ARHGAP39: variants seen among roughly 807,000 people sequenced by gnomAD.
ARHGAP39 encodes Rho GTPase activating protein 39.
ARHGAP39 carries 44 observed loss-of-function variants against 106.9 expected under a neutral mutation model. The observed-to-expected ratio is 0.41, with a 90% CI of 0.32 to 0.53. The LOEUF (loss-of-function observed/expected upper bound fraction) is 0.53, where lower values mean the gene tolerates loss of function less well. Ranked by LOEUF, ARHGAP39 falls within the 20% of genes least tolerant of loss-of-function variation. The probability of loss-of-function intolerance (pLI) is 0.21; values close to 1 mark genes in which losing one functional copy is unlikely to be tolerated. For synonymous variants in ARHGAP39, 768 were observed against 693.2 expected, an observed-to-expected ratio of 1.11 and a Z score of -1.69; for missense variants, 1,496 against 1,577.3, an observed-to-expected ratio of 0.95 and a Z score of 0.87.
chr8:144,548,129 C>T lies in ARHGAP39; in HGVS notation c.957G>A (p.Glu319=), dbSNP rs1817543673. The T allele has an allele frequency of 6.3e-7, 1 of 1,579,990 alleles. No individual in the cohort carries two copies. Among genetic ancestry groups the T allele is most frequent in the Non-Finnish European group, 8.6e-7 (1 of 1,162,958 alleles). The part of the protein sequence containing the change: ...EPPLYEEPPV[E]YQAPIYDEPP... Reference sequence around the variant, plus strand: ...GCTCATCGTAGATGGGGGCCTGGTACTCCACTGGGGGCTCCTCGTAGAGCG... The same window carrying T: ...GCTCATCGTAGATGGGGGCCTGGTATTCCACTGGGGGCTCCTCGTAGAGCG... Residue 319 remains glutamate (E), a synonymous_variant, in exon 5 of 12, where the codon GAG becomes GAA. Transcript: ENST00000377307. The surrounding 1 kb of genome is among the most constrained non-coding windows in gnomAD (Gnocchi z 7.4).
At position 144,537,730 on chromosome 8, in the gene ARHGAP39, C is replaced by T. The variant is rs1178957929; in HGVS notation, c.2605G>A (p.Glu869Lys). The T allele has an allele frequency of 1.9e-6, 3 of 1,613,974 alleles. No individual in the cohort carries two copies. The highest frequency in any genetic ancestry group is 2.5e-6 in the Non-Finnish European group (3 of 1,179,958). The stretch of plus-strand genomic sequence containing the variant: ...CGGGGAGAGGCCCTACCATCCGGCT[C>T]TTCAACATAAGGCTTGGGTTTCTTT... ...LRKKPKPYVE[E>K]PDGVAISTYA... The change falls in exon 7 of 12, where the codon GAG becomes AAG. Residue 869 changes from glutamate to lysine, a missense_variant. Physicochemically the swap from Glu to Lys is moderately conservative, Grantham distance 56. This residue lies in a region of ARHGAP39 where 470 missense variants were observed against 605.1 expected (regional missense o/e 0.78). Coordinates refer to ENST00000377307, the MANE Select transcript of ARHGAP39 (RefSeq NM_025251.3).
intron 6 of ARHGAP39, among the ~76,000 whole-genome samples, chr8:144,541,629 G>C (rs1198808363): frequency 6.6e-6 from 1 of 152,182 alleles, no homozygotes; most frequent in East Asian, 1.9e-4. Flanking sequence ...TCTCTATCCT[G>C]ACTGGCTTCT....
At chr8:144,686,775 T>C (rs1052427130), upstream of ARHGAP39, among the ~76,000 whole-genome samples, 3 of 152,216 alleles carry the variant, frequency 2.0e-5, no homozygotes, top group African/African-American at 4.8e-5. Flanking sequence ...CTCTCCACTG[T>C]ATTCACTTAG....
the ARHGAP39 span, among the ~76,000 whole-genome samples, chr8:144,699,430 T>G: frequency 2.3e-5 from 1 of 44,308 alleles, no homozygotes; most frequent in South Asian, 7.5e-4. Flanking sequence ...TGGAGGGTCA[T>G]AGGTTGGGGC....
intron 6 of ARHGAP39, among the ~76,000 whole-genome samples, chr8:144,540,791 C>G (rs1194888888): frequency 6.6e-6 from 1 of 151,674 alleles, no homozygotes; most frequent in Non-Finnish European, 1.5e-5. Context: ...CAGTGAGAAC[C>G]TGTCTGGAAA....
chr8:144,666,001 TATACCCTGCAAAG>T (rs1399823719), intron 1 of ARHGAP39, among the ~76,000 whole-genome samples: 5 of 152,154 alleles, frequency 3.3e-5, no homozygotes, highest in African/African-American at 1.2e-4. Flanking sequence ...GGAGGGAGGC[TATACCCTGCAAAG>T]CCACAGAGGT....
intron 2 of ARHGAP39, among the ~76,000 whole-genome samples, chr8:144,601,741 A>G (rs1586600995): frequency 9.3e-6 from 1 of 107,434 alleles, no homozygotes; most frequent in African/African-American, 3.8e-5. Flanking sequence ...GTGTGCGTGG[A>G]GGCGTGTGTG....
chr8:144,648,932 C>A (rs929360972), intron 1 of ARHGAP39, among the ~76,000 whole-genome samples: 12 of 152,044 alleles, frequency 7.9e-5, no homozygotes, highest in African/African-American at 2.9e-4. Flanking sequence ...CCTAACATCA[C>A]AACCGAAAGA....
At chr8:144,538,804 C>CA (rs1250034805) in intron 6 of ARHGAP39, among the ~76,000 whole-genome samples, 3 of 152,144 alleles carry the variant, frequency 2.0e-5, no homozygotes, top group East Asian at 3.9e-4. Context: ...CTCTTGACCT[C>CA]AAATGATCCA....
At chr8:144,601,102 G>C (rs1445647465) in intron 2 of ARHGAP39, among the ~76,000 whole-genome samples, 1 of 146,580 alleles carries the variant, frequency 6.8e-6, no homozygotes, top group Non-Finnish European at 1.5e-5. Flanking sequence ...GGAGGTGTGT[G>C]TGACCTCATG....
chr8:144,615,992 G>A (rs1182895112), intron 1 of ARHGAP39, among the ~76,000 whole-genome samples: 3 of 152,218 alleles, frequency 2.0e-5, no homozygotes, highest in Non-Finnish European at 2.9e-5. Flanking sequence ...GGTCAGGGCC[G>A]GCTTCTTCAC....
intron 1 of ARHGAP39, among the ~76,000 whole-genome samples, chr8:144,607,276 T>C (rs1820329231): frequency 6.9e-6 from 1 of 144,330 alleles, no homozygotes; most frequent in East Asian, 2.0e-4. Flanking sequence ...CACAACTGAA[T>C]GCACAGAGTA....
chr8:144,547,256 G>A lies in ARHGAP39; in HGVS notation c.1830C>T (p.Ala610=), dbSNP rs1284936636. 2 of 1,612,446 alleles carry A rather than the reference G, an allele frequency of 1.2e-6. No homozygotes were observed. Among genetic ancestry groups the A allele is most frequent in the African/African-American group, 1.3e-5 (1 of 74,916 alleles). ...TCCTCCAGTGCCTGTTCTCCTGCTG[G>A]GCCAGCGCCTCGTCCTCGCTGAAGG... is the stretch of plus-strand genomic sequence containing the variant. ...VRAFSEDEAL[A]QQENRHWRRG... Residue 610 remains alanine (A), a synonymous_variant, in exon 5 of 12, where the codon GCC becomes GCT. Coordinates refer to ENST00000377307, the MANE Select transcript of ARHGAP39 (RefSeq NM_025251.3). This position sits in a 1 kb window ranked among gnomAD's most constrained non-coding sequence, Gnocchi z 5.2.
chr8:144,691,831 T>C, the ARHGAP39 span, among the ~76,000 whole-genome samples: 1 of 151,896 alleles, frequency 6.6e-6, no homozygotes, highest in African/African-American at 2.4e-5. Context: ...CTAAACTTCT[T>C]TGGATCGGGT....
intron 2 of ARHGAP39, among the ~76,000 whole-genome samples, chr8:144,588,800 G>A (rs1400787564): frequency 6.6e-6 from 1 of 152,256 alleles, no homozygotes; most frequent in Non-Finnish European, 1.5e-5. Flanking sequence ...TCTTGTGCGT[G>A]CTCACCGCGC....
chr8:144,673,871 G>A (rs576473507), intron 1 of ARHGAP39, among the ~76,000 whole-genome samples: 17 of 152,376 alleles, frequency 1.1e-4, no homozygotes, highest in South Asian at 2.1e-4. Flanking sequence ...CATGCCAGCT[G>A]CAGCGGGGCA....
Position 144,649,319 on chromosome 8 carries a change from G to A in ARHGAP39, c.-82+36367C>T, listed in dbSNP as rs147551534. Among the ~76,000 whole-genome samples, 2,476 of 151,798 alleles carry A rather than the reference G, an allele frequency of 0.016. 207 individuals are homozygous for A. In the East Asian group the frequency reaches 0.25, roughly 15 times the overall value. On this transcript the variant is annotated intron_variant, in intron 1 of 11. Transcript: ENST00000377307. Reference sequence around the variant, plus strand: ...AAACCAATTAGCCAGGTGTGGTGGCGGGCGCCTGTAGTCCCAGCTACTTGG... The same window carrying A: ...AAACCAATTAGCCAGGTGTGGTGGCAGGCGCCTGTAGTCCCAGCTACTTGG...
chr8:144,675,039 C>A (rs1468935332), intron 1 of ARHGAP39, among the ~76,000 whole-genome samples: 1 of 152,088 alleles, frequency 6.6e-6, no homozygotes, highest in Non-Finnish European at 1.5e-5. Flanking sequence ...GCAGCTGCAG[C>A]TGTGCCCAGG....
intron 1 of ARHGAP39, among the ~76,000 whole-genome samples, chr8:144,657,118 G>A (rs1026637600): frequency 2.0e-5 from 3 of 152,000 alleles, no homozygotes; most frequent in Admixed American, 6.6e-5. Flanking sequence ...TTTTGGCCTA[G>A]CATGGTGGCT....
Sources: gnomAD v4.1 joint callset for allele counts (sites outside exome capture counted in the v4.1 genomes callset) on GRCh38, gnomAD v4.1.1 for gene constraint, gnomAD v4.1.1 regional missense constraint, Gnocchi (gnomAD v3.1) non-coding constraint, MANE v1.5 for transcripts, NCBI Gene and HGNC (gene_info 2026-07-23, HGNC 2026-07-21) for gene names.